HSPG2: variants seen among roughly 807,000 people sequenced by gnomAD.
HSPG2 encodes heparan sulfate proteoglycan 2.
HSPG2 carries 278 observed loss-of-function variants against 526.6 expected under a neutral mutation model. The ratio of observed to expected loss-of-function variants is 0.53; its 90% CI spans 0.48 to 0.58. The LOEUF (loss-of-function observed/expected upper bound fraction) is 0.58, where lower values mean the gene tolerates loss of function less well. Ranked by LOEUF, HSPG2 falls within the 20% of genes least tolerant of loss-of-function variation. HSPG2 has a pLI of 0.00. For synonymous variants in HSPG2, 2,465 were observed against 2,555.4 expected, an observed-to-expected ratio of 0.96 and a Z score of 1.07; for missense variants, 5,354 against 6,099.5, an observed-to-expected ratio of 0.88 and a Z score of 4.07.
rs760246916 is a variant in HSPG2 at position 21,824,185 on chromosome 1, C to T, written c.12835G>A (p.Glu4279Lys). The stretch of plus-strand genomic sequence containing the variant: ...GGGTCCTCAGAGACCAGGCGGGCCT[C>T]CCCACTACCCAGCTGGTACCTGCAG... ...LVFRYQLGSG[E>K]ARLVSEDPIN... is the part of the protein sequence containing the mutation. The change falls in exon 95 of 97, where the codon GAG becomes AAG. Residue 4279 changes from glutamate (E) to lysine (K), a missense_variant. Transcript: ENST00000374695. The surrounding 1 kb of genome is among the most constrained non-coding windows in gnomAD (Gnocchi z 5.9). 10 of 1,613,648 alleles carry T rather than the reference C, an allele frequency of 6.2e-6. 1 individual carries two copies. Among genetic ancestry groups the T allele is most frequent in the Middle Eastern group, 1.6e-4 (1 of 6,066 alleles).
rs375226584 is a variant in HSPG2 at position 21,874,736 on chromosome 1, G to A, written c.3415-7C>T. 2.9e-5 allele frequency: 46 copies of A among 1,591,498 alleles called. No homozygotes were observed. The highest frequency in any genetic ancestry group is 3.6e-5 in the Non-Finnish European group (42 of 1,167,876). The stretch of plus-strand genomic sequence containing the variant: ...TGTAGCCTGTGTCACAGTCCTGGGG[G>A]CAGAAAGATGGCAGTGGGAGGGACT... On this transcript the variant is annotated splice_region_variant and splice_polypyrimidine_tract_variant and intron_variant, in intron 26 of 96. Coordinates refer to ENST00000374695, the MANE Select transcript of HSPG2 (RefSeq NM_005529.7).
At position 21,890,001 on chromosome 1, in the gene HSPG2, TG is replaced by T. The variant is rs1273183268; in HGVS notation, c.553del (p.Gln185SerfsTer133). 6.2e-7 allele frequency: 1 copy of T among 1,614,032 alleles called. No individual in the cohort carries two copies. On this transcript the variant is annotated frameshift_variant, in exon 6 of 97. Transcript: ENST00000374695. LOFTEE classifies it high-confidence loss of function. The surrounding 1 kb of genome is among the most constrained non-coding windows in gnomAD (Gnocchi z 4.1). ...ASYVTSPQGF[Q>X]FRRLGTVPQF... is the part of the protein sequence containing the mutation. ...CTCACCTGTGCCCAGGCGTCGGAAC[TG>T]GAATCCCTGGGGAGAGGTGACGTAG...
chr1:21,907,920 C>T (rs184844371), intron 1 of HSPG2, among the ~76,000 whole-genome samples: 2 of 152,266 alleles, frequency 1.3e-5, no homozygotes, highest in East Asian at 1.9e-4. Flanking sequence ...TCTGTGCCTC[C>T]GTTTCCTCAT....
chr1:21,833,411 C>A (rs773040578), intron 79 of HSPG2, 27 bp from the exon 80 acceptor site: 1 of 1,614,046 alleles, frequency 6.2e-7, no homozygotes, highest in Non-Finnish European at 8.5e-7. Flanking sequence ...CAGCTGAAGA[C>A]CCTGCCAGTC....
At chr1:21,935,891 T>C (rs531668255) in intron 1 of HSPG2, among the ~76,000 whole-genome samples, 223 of 126,250 alleles carry the variant, frequency 1.8e-3, no homozygotes, top group Middle Eastern at 3.7e-3. Context: ...CTGCCCAGAG[T>C]GGGGATGGGG....
intron 1 of HSPG2, chr1:21,908,044 A>G (rs779161323): frequency 1.8e-5 from 13 of 727,958 alleles, no homozygotes; most frequent in Admixed American, 3.5e-5. Context: ...TGAATGTTCT[A>G]TAAGTGTTTG....
At chr1:21,920,049 G>C (rs1643992968) in intron 1 of HSPG2, among the ~76,000 whole-genome samples, 2 of 152,170 alleles carry the variant, frequency 1.3e-5, no homozygotes, top group Non-Finnish European at 2.9e-5. Flanking sequence ...TGGGATTACA[G>C]GCATGCACCA....
rs1196662126 is a variant in HSPG2 at position 21,833,102 on chromosome 1, G to A, written c.11095+166C>T. On this transcript the variant is annotated intron_variant, in intron 80 of 96. Transcript: ENST00000374695. ...GGAGAAGCCGGGAGGCACAAGAGAA[G>A]GCACACCAGGGTGGAGGCCCAGAGG... The A allele has an allele frequency of 1.2e-5, 8 of 693,912 alleles. No individual in the cohort carries two copies. In the East Asian group the frequency reaches 2.2e-4, roughly 19 times the overall value. The allele number at this position is 693,912 out of a possible 1,614,324, so 43.0% of individuals were successfully genotyped here. A position where few individuals can be genotyped will look rare whatever the true frequency, so the allele number is the denominator to read the frequency against.
At chr1:21,875,790 G>A in intron 24 of HSPG2, 43 bp from the exon 25 acceptor site, 1 of 1,606,618 alleles carries the variant, frequency 6.2e-7, no homozygotes. Flanking sequence ...TGACGTCCTG[G>A]AGTATTGAAT....
At chr1:21,921,470 C>T (rs1475535794) in intron 1 of HSPG2, among the ~76,000 whole-genome samples, 2 of 152,212 alleles carry the variant, frequency 1.3e-5, no homozygotes, top group African/African-American at 4.8e-5. Context: ...ACCCCAGGTG[C>T]ACAAGCTACC....
chr1:21,833,787 T>C (rs2098014904), intron 78 of HSPG2, 29 bp downstream of exon 78: 4 of 1,542,152 alleles, frequency 2.6e-6, no homozygotes, highest in Admixed American at 1.9e-5. Context: ...CCCCAAGTCA[T>C]GCCCGCTGGT....
At chr1:21,921,325 T>C (rs1007227260) in intron 1 of HSPG2, among the ~76,000 whole-genome samples, 1 of 152,144 alleles carries the variant, frequency 6.6e-6, no homozygotes, top group Non-Finnish European at 1.5e-5. Flanking sequence ...GGATTTTCTG[T>C]GCTAGAAGCG....
intron 2 of HSPG2, 91 bp from the exon 3 acceptor site, chr1:21,896,057 A>G (rs1433507854): frequency 6.3e-7 from 1 of 1,593,676 alleles, no homozygotes; most frequent in Non-Finnish European, 8.6e-7. Flanking sequence ...CCTAGTATAC[A>G]GTGGGACAGG....
In HSPG2 at chr1:21,898,220, A is replaced by T. The variant is rs1239091849; in HGVS notation, c.64-1910T>A. On this transcript the variant is annotated intron_variant, in intron 1 of 96. Transcript: ENST00000374695. The surrounding 1 kb of genome is among the most constrained non-coding windows in gnomAD (Gnocchi z 4.0). Reference sequence around the variant, plus strand: ...AGGCTGTGAGCTCCCTGGATGGGGGAGTGGCTGGGTGCCATTTGTTCATCT... The same window carrying T: ...AGGCTGTGAGCTCCCTGGATGGGGGTGTGGCTGGGTGCCATTTGTTCATCT... Among the ~76,000 whole-genome samples the T allele has an allele frequency of 6.6e-6, 1 of 152,014 alleles. No individual in the cohort carries two copies. The highest frequency in any genetic ancestry group is 2.4e-5 in the African/African-American group (1 of 41,384).
rs760586348 is a variant in HSPG2, at chr1:21,824,106, G to A, written c.12899+15C>T. ...ACGCTGGGCCCCATCCCGAGTGCCC[G>A]GCAGGGTCCCTTACCGCAGTGCTGT... is the stretch of plus-strand genomic sequence containing the variant. On this transcript the variant is annotated intron_variant, in intron 95 of 96. Transcript: ENST00000374695. This position sits in a 1 kb window ranked among gnomAD's most constrained non-coding sequence, Gnocchi z 5.9. The A allele has an allele frequency of 7.5e-6, 12 of 1,610,246 alleles. No homozygotes were observed. The highest frequency in any genetic ancestry group is 1.1e-5 in the South Asian group (1 of 90,820).
Position 21,904,936 on chromosome 1 carries a change from C to T in HSPG2, c.64-8626G>A, listed in dbSNP as rs1399257362. Among the ~76,000 whole-genome samples the T allele has an allele frequency of 6.6e-6, 1 of 152,176 alleles. No individual in the cohort carries two copies. The highest frequency in any genetic ancestry group is 1.5e-5 in the Non-Finnish European group (1 of 68,032). ...CTGCCCATACCCTCCTGGGTCACTG[C>T]CCACAGATTTCATGAATGATGCCCC... On this transcript the variant is annotated intron_variant, in intron 1 of 96. Transcript: ENST00000374695. This position sits in a 1 kb window ranked among gnomAD's most constrained non-coding sequence, Gnocchi z 4.4.
intron 76 of HSPG2, 33 bp downstream of exon 76, chr1:21,835,507 G>A (rs1367246317): frequency 7.0e-7 from 1 of 1,418,532 alleles, no homozygotes; most frequent in Non-Finnish European, 1.0e-6. Flanking sequence ...TCTGTTCCCT[G>A]CTCTTAGCAG....
In HSPG2 at chr1:21,847,630, G is replaced by T. The variant is rs545350887; in HGVS notation, c.8025+59C>A. 1.9e-6 allele frequency: 3 copies of T among 1,602,786 alleles called. No homozygotes were observed. The highest frequency in any genetic ancestry group is 4.5e-5 in the East Asian group (2 of 44,538). On this transcript the variant is annotated intron_variant, in intron 61 of 96. Coordinates refer to ENST00000374695, the MANE Select transcript of HSPG2 (RefSeq NM_005529.7). This position sits in a 1 kb window ranked among gnomAD's most constrained non-coding sequence, Gnocchi z 4.1. ...GCCCAATCCGTGAGACAGGGAGCCT[G>T]CTCTGCTCACCCCAGGAGACCATGG...
At position 21,848,070 on chromosome 1, in the gene HSPG2, G is replaced by C; in HGVS notation, c.7761C>G (p.Ile2587Met). The C allele has an allele frequency of 6.2e-7, 1 of 1,610,952 alleles. No homozygotes were observed. Among genetic ancestry groups the C allele is most frequent in the Non-Finnish European group, 8.5e-7 (1 of 1,178,942 alleles). The change falls in exon 60 of 97, where the codon ATC (isoleucine) becomes ATG (methionine). Residue 2587 changes from isoleucine to methionine, a missense_variant. Coordinates refer to ENST00000374695, the MANE Select transcript of HSPG2 (RefSeq NM_005529.7). This position sits in a 1 kb window ranked among gnomAD's most constrained non-coding sequence, Gnocchi z 4.9. ...RHQIVGSRLRIPQVTPADSGE... is the reference protein window; with the variant it reads ...RHQIVGSRLRMPQVTPADSGE... Reference sequence around the variant, plus strand: ...CCGAGTCTGCCGGAGTCACCTGAGGGATCCGCAGCCGGGAGCCCACGATCT... The same window carrying C: ...CCGAGTCTGCCGGAGTCACCTGAGGCATCCGCAGCCGGGAGCCCACGATCT...
Sources: allele counts gnomAD v4.1 joint callset (sites outside exome capture counted in the v4.1 genomes callset), GRCh38; gene constraint gnomAD v4.1.1; non-coding constraint Gnocchi (gnomAD v3.1); transcripts MANE v1.5; gene names NCBI Gene and HGNC (gene_info 2026-07-23, HGNC 2026-07-21).